Variants in ZC3H18 observed in about 807,000 individuals in gnomAD.
ZC3H18 encodes the protein zinc finger CCCH-type containing 18, also known as zinc finger CCCH domain-containing protein 18.
Under a neutral mutation model 106.1 loss-of-function variants are expected in ZC3H18, and 8 were observed. The ratio of observed to expected loss-of-function variants is 0.08; its 90% CI spans 0.04 to 0.14. ZC3H18 has a LOEUF of 0.14. Among genes scored for constraint, ZC3H18 ranks in the 10% least tolerant of loss-of-function variants. The pLI is 1.00. For missense variants in ZC3H18, 1,318 were observed against 1,278.4 expected (o/e 1.03, Z -0.47); for synonymous variants, 635 against 522.1 (o/e 1.22, Z -2.95).
chr16:88,575,187 C>G (rs1353858435), intron 1 of ZC3H18, among the ~76,000 whole-genome samples: 1 of 151,578 alleles, frequency 6.6e-6, no homozygotes, highest in Non-Finnish European at 1.5e-5. Flanking sequence ...AAATGTTTAA[C>G]TGTAGGTTGA....
chr16:88,627,968 A>C lies in ZC3H18; in HGVS notation c.2318A>C (p.Asp773Ala). The C allele has an allele frequency of 6.2e-7, 1 of 1,614,150 alleles. No homozygotes were observed. Among genetic ancestry groups the C allele is most frequent in the Non-Finnish European group, 8.5e-7 (1 of 1,180,042 alleles). The change falls in exon 15 of 18, where the codon GAT becomes GCT. Residue 773 changes from aspartate (D) to alanine (A), a missense_variant. By Grantham distance (126) the Asp-to-Ala change is moderately radical. Transcript: ENST00000301011. This position sits in a 1 kb window ranked among gnomAD's most constrained non-coding sequence, Gnocchi z 4.5. ...GTTAAAGAGGAAAAGCGGAAAAGGG[A>C]TTCGTCCACACAACCACCCAAATCT... The part of the protein sequence containing the change: ...DGVKEEKRKR[D>A]SSTQPPKSAK...
rs1906396434 is a variant in ZC3H18, at chr16:88,627,667, GAGC to G, written c.2161_2163del (p.Ser722del). 1 of 1,612,628 alleles carries G rather than the reference GAGC, an allele frequency of 6.2e-7. No homozygotes were observed. The highest frequency in any genetic ancestry group is 1.3e-5 in the African/African-American group (1 of 74,888). On this transcript the variant is annotated inframe_deletion, in exon 14 of 18. Transcript: ENST00000301011. The surrounding 1 kb of genome is among the most constrained non-coding windows in gnomAD (Gnocchi z 4.5). ...TCTCCTCAGTGTCCAGTGCTACGTC[GAGC>G]AGCAGCTCTGCACACAGCGTGGACT...
At chr16:88,630,637 T>C in intron 17 of ZC3H18, 56 bp downstream of exon 17, 1 of 1,481,316 alleles carries the variant, frequency 6.8e-7, no homozygotes, top group Non-Finnish European at 9.1e-7. Flanking sequence ...CCCCAGTCGC[T>C]TCCCCAGGGA....
At chr16:88,597,171 C>G (rs1904486093) in intron 3 of ZC3H18, among the ~76,000 whole-genome samples, 1 of 152,222 alleles carries the variant, frequency 6.6e-6, no homozygotes, top group Admixed American at 6.5e-5. Context: ...GCCACCACGC[C>G]TGGCCTCCCA....
Position 88,611,386 on chromosome 16 carries a change from G to A in ZC3H18, c.1325G>A (p.Arg442His), listed in dbSNP as rs749996866. The change falls in exon 8 of 18, where the codon CGC (arginine) becomes CAC (histidine). Residue 442 changes from arginine (R) to histidine (H), a missense_variant. Transcript: ENST00000301011. ...CGCGAGCGAGAGCGGGAGCGCGAGC[G>A]CGACAAGGAGCGGCAGCGGAGGAAG... ...RERERERERE[R>H]DKERQRRKEE... is the part of the protein sequence containing the mutation. The A allele has an allele frequency of 4.4e-6, 5 of 1,137,728 alleles. No individual in the cohort carries two copies. Among genetic ancestry groups the A allele is most frequent in the Admixed American group, 2.0e-5 (1 of 50,466 alleles). The allele number at this position is 1,137,728 out of a possible 1,614,324, so 70.5% of individuals were successfully genotyped here.
At chr16:88,629,846 CAG>C (rs1447595470) in intron 16 of ZC3H18, among the ~76,000 whole-genome samples, 3 of 152,218 alleles carry the variant, frequency 2.0e-5, no homozygotes, top group South Asian at 4.1e-4. Context: ...CTCCCAGACA[CAG>C]AGAACAGGCA....
chr16:88,579,505 T>G (rs1212994973), intron 2 of ZC3H18, among the ~76,000 whole-genome samples: 1 of 152,166 alleles, frequency 6.6e-6, no homozygotes, highest in Non-Finnish European at 1.5e-5. Context: ...AGGCCATGTC[T>G]GTGGAGCATA....
intron 10 of ZC3H18, 99 bp from the exon 11 acceptor site, chr16:88,623,859 T>A (rs780900647): frequency 2.0e-6 from 3 of 1,481,782 alleles, no homozygotes; most frequent in South Asian, 1.5e-5. Context: ...AAATGGAAAT[T>A]CGTGGCCTTC....
In ZC3H18 at chr16:88,577,135, C is replaced by T. The variant is rs553607660; in HGVS notation, c.12C>T (p.Ala4=). MDV[A]ESPERDPHSP... Reference sequence around the variant, plus strand: ...AACCGTGGGTACCGATGGATGTGGCCGAGAGCCCTGAACGGGATCCTCACT... The same window carrying T: ...AACCGTGGGTACCGATGGATGTGGCTGAGAGCCCTGAACGGGATCCTCACT... Residue 4 remains alanine, a synonymous_variant, in exon 2 of 18, where the codon GCC becomes GCT. Transcript: ENST00000301011. The T allele has an allele frequency of 5.2e-5, 81 of 1,549,732 alleles. No homozygotes were observed. Among genetic ancestry groups the T allele is most frequent in the Non-Finnish European group, 6.7e-5 (77 of 1,145,610 alleles).
At chr16:88,588,388 G>A (rs1915558512) in intron 3 of ZC3H18, among the ~76,000 whole-genome samples, 1 of 152,250 alleles carries the variant, frequency 6.6e-6, no homozygotes, top group Non-Finnish European at 1.5e-5. Flanking sequence ...GGAGGCTGCA[G>A]CATCCACCAG....
At chr16:88,580,176 G>A (rs908965840) in intron 2 of ZC3H18, among the ~76,000 whole-genome samples, 12 of 60,610 alleles carry the variant, frequency 2.0e-4, no homozygotes, top group African/African-American at 4.7e-4. Flanking sequence ...GTGTGTGTGT[G>A]TGTGTGTGTG....
intron 5 of ZC3H18, among the ~76,000 whole-genome samples, chr16:88,599,036 A>T (rs576402856): frequency 6.6e-6 from 1 of 152,086 alleles, no homozygotes; most frequent in Non-Finnish European, 1.5e-5. Flanking sequence ...ATGGAGAGTT[A>T]TATCTAACTG....
chr16:88,577,282 T>C lies in ZC3H18; in HGVS notation c.159T>C (p.Ser53=), dbSNP rs1421337559. The C allele has an allele frequency of 5.0e-6, 8 of 1,612,798 alleles. No individual in the cohort carries two copies. Among genetic ancestry groups the C allele is most frequent in the South Asian group, 3.3e-5 (3 of 90,924 alleles). The change falls in exon 2 of 18, where the codon AGT becomes AGC. Residue 53 remains serine, a synonymous_variant. Transcript: ENST00000301011. ...CTTCTGATCTGGAGGATGAGGAAAGTGCAGCCAGGGGGCCGAGCCAGGAGG... is the reference window on the plus strand; with the variant it reads ...CTTCTGATCTGGAGGATGAGGAAAGCGCAGCCAGGGGGCCGAGCCAGGAGG... ...VRASDLEDEE[S]AARGPSQEEE...
intron 3 of ZC3H18, 111 bp downstream of exon 3, chr16:88,586,795 G>A: frequency 2.6e-6 from 2 of 762,124 alleles, no homozygotes; most frequent in Non-Finnish European, 4.5e-6. Context: ...AGTTCTCTGG[G>A]CATTACTGGC....
chr16:88,631,355 T>C lies in ZC3H18; in HGVS notation c.*56T>C, dbSNP rs577248757. On this transcript the variant is annotated 3_prime_UTR_variant, in exon 18 of 18. Transcript: ENST00000301011. Reference sequence around the variant, plus strand: ...TATACATAGGGTAAGCGCAGCCATTTTGGATTTTGCAGTTAATGTCTTATT... The same window carrying C: ...TATACATAGGGTAAGCGCAGCCATTCTGGATTTTGCAGTTAATGTCTTATT... The C allele has an allele frequency of 6.5e-6, 10 of 1,547,806 alleles. No individual in the cohort carries two copies. The South Asian group carries it at 1.2e-4, about 18-fold the overall frequency.
chr16:88,575,356 A>G (rs1451671190), intron 1 of ZC3H18, among the ~76,000 whole-genome samples: 1 of 152,052 alleles, frequency 6.6e-6, no homozygotes, highest in African/African-American at 2.4e-5. Context: ...TCTTGAGATG[A>G]ATAATCTGTT....
chr16:88,578,191 T>C (rs1015259390), intron 2 of ZC3H18, among the ~76,000 whole-genome samples: 1 of 152,204 alleles, frequency 6.6e-6, no homozygotes, highest in Non-Finnish European at 1.5e-5. Context: ...TAGGCATTTT[T>C]ATGCTGGTCC....
intron 3 of ZC3H18, among the ~76,000 whole-genome samples, chr16:88,588,739 G>A (rs1313491984): frequency 2.0e-5 from 3 of 152,040 alleles, no homozygotes; most frequent in African/African-American, 7.3e-5. Context: ...ACTTAGCAGG[G>A]TTTGGTGGCA....
intron 6 of ZC3H18, 92 bp from the exon 7 acceptor site, chr16:88,608,842 G>A (rs1905137463): frequency 1.0e-5 from 11 of 1,069,700 alleles, no homozygotes; most frequent in East Asian, 2.5e-5. Context: ...ACTGCGTCAC[G>A]GTCTGTTACT....
Sources: allele counts gnomAD v4.1 joint callset (sites outside exome capture counted in the v4.1 genomes callset), GRCh38; gene constraint gnomAD v4.1.1; non-coding constraint Gnocchi (gnomAD v3.1); transcripts MANE v1.5; gene names NCBI Gene and HGNC (gene_info 2026-07-23, HGNC 2026-07-21).